CIMIP2C: variants seen among roughly 807,000 people sequenced by gnomAD.
The protein encoded by CIMIP2C is UPF0573 protein C2orf70.
the CIMIP2C span, among the ~76,000 whole-genome samples, chr2:26,575,349 C>G: frequency 2.6e-5 from 4 of 152,242 alleles, no homozygotes; most frequent in Non-Finnish European, 5.9e-5. Context: ...TCATACTCCC[C>G]CTACTCTTTC....
chr2:26,575,742 C>A, the CIMIP2C span, among the ~76,000 whole-genome samples: 6 of 152,244 alleles, frequency 3.9e-5, no homozygotes, highest in South Asian at 1.2e-3. Context: ...AGGCTGGTCT[C>A]AGAACTCCTG....
the CIMIP2C span, among the ~76,000 whole-genome samples, chr2:26,571,725 T>C: frequency 1.3e-5 from 2 of 152,180 alleles, no homozygotes; most frequent in African/African-American, 4.8e-5. Flanking sequence ...TTTCTCTTTA[T>C]GTGTATATTC....
the CIMIP2C span, chr2:26,563,042 AGAGAAAATGC>A: frequency 1.8e-5 from 5 of 280,836 alleles, no homozygotes; most frequent in Non-Finnish European, 3.3e-5. Context: ...TCCAGCGCTT[AGAGAAAATGC>A]GAGAAAATCA....
At chr2:26,569,196 G>A in the CIMIP2C span, among the ~76,000 whole-genome samples, 1 of 152,002 alleles carries the variant, frequency 6.6e-6, no homozygotes, top group Non-Finnish European at 1.5e-5. Flanking sequence ...ATCACAATGT[G>A]GGAAGTGCGG....
chr2:26,570,035 A>G, the CIMIP2C span, among the ~76,000 whole-genome samples: 42 of 152,324 alleles, frequency 2.8e-4, no homozygotes, highest in African/African-American at 9.4e-4. Context: ...AAAGAATGTG[A>G]ACCTGCCCAT....
the CIMIP2C span, chr2:26,562,975 G>A: frequency 5.0e-5 from 23 of 460,000 alleles, no homozygotes; most frequent in Non-Finnish European, 7.7e-5. Context: ...CCGGGGAAGG[G>A]GGAGGAGATG....
chr2:26,562,756 C>T, the CIMIP2C span: 1 of 1,335,630 alleles, frequency 7.5e-7, no homozygotes. Context: ...GAAATTCAGC[C>T]CCCTGCCCCC....
the CIMIP2C span, chr2:26,577,402 A>G: frequency 2.1e-6 from 2 of 955,882 alleles, no homozygotes; most frequent in African/African-American, 3.3e-5. Context: ...CTCCGGGGGC[A>G]TTAGGGGAGG....
chr2:26,570,523 A>T, the CIMIP2C span, among the ~76,000 whole-genome samples: 1 of 152,244 alleles, frequency 6.6e-6, no homozygotes, highest in African/African-American at 2.4e-5. Flanking sequence ...TGAGGATGAT[A>T]GTCCTCTCAG....
the CIMIP2C span, among the ~76,000 whole-genome samples, chr2:26,567,213 C>G: frequency 6.6e-6 from 1 of 152,142 alleles, no homozygotes; most frequent in African/African-American, 2.4e-5. Flanking sequence ...TTTCCATAAT[C>G]CCCACATGTC....
At chr2:26,569,946 G>A in the CIMIP2C span, among the ~76,000 whole-genome samples, 589 of 152,248 alleles carry the variant, frequency 3.9e-3, 4 homozygotes, top group African/African-American at 0.012. Context: ...TGGAGCTCAG[G>A]GCATGCTCAA....
At chr2:26,576,109 C>G in the CIMIP2C span, 12 of 1,614,212 alleles carry the variant, frequency 7.4e-6, no homozygotes, top group East Asian at 2.7e-4. Context: ...GCTGGCTGCA[C>G]AAGCCCAGCT....
chr2:26,562,715 C>T, the CIMIP2C span: 12 of 1,538,164 alleles, frequency 7.8e-6, no homozygotes, highest in Non-Finnish European at 7.9e-6. Context: ...CTCCTCCCCT[C>T]CCCCTTCCAC....
the CIMIP2C span, chr2:26,578,769 T>A: frequency 8.5e-6 from 4 of 471,198 alleles, no homozygotes; most frequent in Admixed American, 7.0e-5. Context: ...ACTCTGTTCC[T>A]TCTTCAGGTT....
the CIMIP2C span, among the ~76,000 whole-genome samples, chr2:26,577,002 G>A: frequency 3.3e-5 from 5 of 152,370 alleles, no homozygotes; most frequent in South Asian, 6.2e-4. Context: ...CCAGGGCAGA[G>A]AACTTGTATG....
At chr2:26,579,238 G>C in the CIMIP2C span, 1 of 1,590,748 alleles carries the variant, frequency 6.3e-7, no homozygotes, top group South Asian at 1.1e-5. Context: ...GGGTGGGCAC[G>C]CACCACCTTC....
the CIMIP2C span, among the ~76,000 whole-genome samples, chr2:26,565,056 T>C: frequency 2.0e-5 from 3 of 150,114 alleles, no homozygotes; most frequent in East Asian, 3.9e-4. Flanking sequence ...TCCTTCTCCT[T>C]CTTCTTCCCC....
At chr2:26,576,133 C>G in the CIMIP2C span, 2 of 1,614,150 alleles carry the variant, frequency 1.2e-6, no homozygotes, top group Non-Finnish European at 1.7e-6. Flanking sequence ...CTCGCTTCAA[C>G]CTGGACAGCC....
At chr2:26,575,794 G>A in the CIMIP2C span, 1 of 1,362,416 alleles carries the variant, frequency 7.3e-7, no homozygotes, top group Non-Finnish European at 9.9e-7. Context: ...AACATGCTGG[G>A]ATTACAGGCA....
Sources: gnomAD v4.1 joint callset for allele counts (sites outside exome capture counted in the v4.1 genomes callset) on GRCh38, gnomAD v4.1.1 for gene constraint, MANE v1.5 for transcripts, NCBI Gene and HGNC (gene_info 2026-07-23, HGNC 2026-07-21) for gene names.